The following GRIK2 variants were observed in gnomAD, a reference collection of about 807,000 sequenced individuals.
The protein encoded by GRIK2 is glutamate ionotropic receptor kainate type subunit 2.
GRIK2 carries 32 observed loss-of-function variants against 100.3 expected under a neutral mutation model. That is an observed-to-expected ratio of 0.32 (90% CI 0.24 to 0.43). The LOEUF (loss-of-function observed/expected upper bound fraction) is 0.43. Ranked by LOEUF, GRIK2 falls within the 20% of genes least tolerant of loss-of-function variation. The pLI, the probability that GRIK2 is intolerant of heterozygous loss-of-function variation, is 1.00. For synonymous variants in GRIK2, 417 were observed against 389.4 expected (o/e 1.07, Z -0.83); for missense variants, 843 against 1,114.9 (o/e 0.76, Z 3.47).
chr6:101,476,929 A>G (rs181700864), intron 2 of GRIK2, among the ~76,000 whole-genome samples: 3 of 152,178 alleles, frequency 2.0e-5, no homozygotes, highest in Non-Finnish European at 2.9e-5. Context: ...AAAAGAACCT[A>G]TACTATTAAA....
intron 16 of GRIK2, among the ~76,000 whole-genome samples, chr6:102,065,520 T>C (rs531685244): frequency 1.8e-3 from 270 of 151,468 alleles, no homozygotes; most frequent in South Asian, 0.013. Context: ...AGAAAGTTAG[T>C]TACTTAGCCT....
intron 2 of GRIK2, among the ~76,000 whole-genome samples, chr6:101,503,042 C>G (rs1332326049): frequency 6.6e-6 from 1 of 152,000 alleles, no homozygotes; most frequent in African/African-American, 2.4e-5. Flanking sequence ...TGATGAGAAG[C>G]AAGGAGTTAA....
At chr6:101,849,813 G>GT (rs36010543) in intron 10 of GRIK2, among the ~76,000 whole-genome samples, 2,833 of 53,844 alleles carry the variant, frequency 0.053, 663 homozygotes, top group African/African-American at 0.076. Context: ...AAAAAGGAGG[G>GT]TTTTTTTTTT....
intron 14 of GRIK2, among the ~76,000 whole-genome samples, chr6:101,952,768 A>G (rs1164169909): frequency 6.6e-6 from 1 of 152,064 alleles, no homozygotes; most frequent in East Asian, 1.9e-4. Flanking sequence ...ACACCCAGCT[A>G]ATTTTTTGTA....
In GRIK2 at chr6:101,778,471, AAAC is replaced by A. The variant is rs879715305; in HGVS notation, c.952-21171_952-21169del. 2.0e-4 allele frequency among the ~76,000 whole-genome samples: 30 copies of A among 152,332 alleles called. 1 individual carries two copies. The highest frequency in any genetic ancestry group is 1.4e-3 in the Admixed American group (22 of 15,304). On this transcript the variant is annotated intron_variant, in intron 7 of 16. Coordinates refer to ENST00000369134, the MANE Select transcript of GRIK2 (RefSeq NM_021956.5). ...TGTAGCCCAGGCCACGAGTGCTAAT[AAAC>A]AACAAGTCTTGAGCAAAGAGTGAAA...
intron 10 of GRIK2, among the ~76,000 whole-genome samples, chr6:101,831,001 A>C (rs1782642830): frequency 6.6e-6 from 1 of 152,104 alleles, no homozygotes; most frequent in African/African-American, 2.4e-5. Flanking sequence ...AAAGGCTTGA[A>C]AACATCCTAT....
chr6:101,951,493 T>C (rs767930366), intron 14 of GRIK2, among the ~76,000 whole-genome samples: 1 of 152,198 alleles, frequency 6.6e-6, no homozygotes, highest in Non-Finnish European at 1.5e-5. Context: ...ATTTTTGCTT[T>C]AGGTGTAGGT....
intron 11 of GRIK2, among the ~76,000 whole-genome samples, chr6:101,877,167 T>G (rs1234765863): frequency 6.6e-6 from 1 of 151,866 alleles, no homozygotes; most frequent in African/African-American, 2.4e-5. Flanking sequence ...ATGTTTATGT[T>G]TATGTTTTTA....
chr6:101,887,206 AATG>A (rs1386831267), intron 11 of GRIK2, among the ~76,000 whole-genome samples: 1 of 152,128 alleles, frequency 6.6e-6, no homozygotes, highest in Non-Finnish European at 1.5e-5. Flanking sequence ...TCACCATAAA[AATG>A]ATAACTATGT....
chr6:101,451,698 G>T lies in GRIK2; in HGVS notation c.115+52306G>T, dbSNP rs750739517. Among the ~76,000 whole-genome samples, 13 of 59,178 alleles carry T rather than the reference G, an allele frequency of 2.2e-4. 2 individuals carry two copies. Among genetic ancestry groups the T allele is most frequent in the African/African-American group, 6.2e-4 (11 of 17,834 alleles). 38.8% of individuals were successfully genotyped at this position (59,178 alleles called of 152,430 possible). On this transcript the variant is annotated intron_variant, in intron 2 of 16. Coordinates refer to ENST00000369134, the MANE Select transcript of GRIK2 (RefSeq NM_021956.5). ...GAGAGCCCATTATTTATCTCTGAGG[G>T]GGGGGGGGGTGCCAAATACCTCCCA...
At chr6:101,808,521 A>G (rs1397616248) in intron 9 of GRIK2, among the ~76,000 whole-genome samples, 1 of 151,964 alleles carries the variant, frequency 6.6e-6, no homozygotes, top group East Asian at 1.9e-4. Context: ...AATAATTTTT[A>G]TTGTACTACA....
In GRIK2 at chr6:101,603,967, T is replaced by G. The variant is rs548340299; in HGVS notation, c.116-17982T>G. On this transcript the variant is annotated intron_variant, in intron 2 of 16. Coordinates refer to ENST00000369134, the MANE Select transcript of GRIK2 (RefSeq NM_021956.5). ...TTCTATTCAGAGTAGATTTTAGTGG[T>G]GAGGGGGTACTGTGCCCATATAACA... 2.6e-4 allele frequency among the ~76,000 whole-genome samples: 40 copies of G among 151,690 alleles called. No individual in the cohort carries two copies. In the South Asian group the frequency reaches 8.1e-3, roughly 31 times the overall value.
chr6:101,431,124 G>C (rs1769362560), intron 2 of GRIK2: 1 of 250,500 alleles, frequency 4.0e-6, no homozygotes, highest in African/African-American at 2.3e-5. Context: ...GTTGGCCTTG[G>C]GGTTCAGAGG....
intron 7 of GRIK2, among the ~76,000 whole-genome samples, chr6:101,702,672 A>T (rs530023049): frequency 6.6e-6 from 1 of 152,082 alleles, no homozygotes; most frequent in South Asian, 2.1e-4. Context: ...ATAAACAATG[A>T]AAGAAAACAA....
chr6:101,884,744 ATTCTC>A (rs552586198), intron 11 of GRIK2, among the ~76,000 whole-genome samples: 105 of 152,274 alleles, frequency 6.9e-4, no homozygotes, highest in South Asian at 3.1e-3. Flanking sequence ...TCAATTAAAA[ATTCTC>A]TGAGTGGTTT....
At chr6:101,864,782 C>A (rs946446183) in intron 11 of GRIK2, among the ~76,000 whole-genome samples, 3 of 152,092 alleles carry the variant, frequency 2.0e-5, no homozygotes, top group South Asian at 2.1e-4. Flanking sequence ...ATATTTAAAA[C>A]AAATAATTGA....
chr6:102,037,838 T>G (rs188805151), intron 15 of GRIK2, among the ~76,000 whole-genome samples: 2 of 151,464 alleles, frequency 1.3e-5, no homozygotes, highest in East Asian at 2.0e-4. Flanking sequence ...AAATGCATAC[T>G]GAACCCAGAA....
chr6:101,839,249 C>CA lies in GRIK2; in HGVS notation c.1318-20037dup, dbSNP rs1783349533. ...GGTTGGGTGCCAGTAGAGGCAATGC[C>CA]AGTGCTTACTTTTCACCAATCCTTG... On this transcript the variant is annotated intron_variant, in intron 10 of 16. Coordinates refer to ENST00000369134, the MANE Select transcript of GRIK2 (RefSeq NM_021956.5). Among the ~76,000 whole-genome samples, 3 of 152,260 alleles carry CA rather than the reference C, an allele frequency of 2.0e-5. No individual in the cohort carries two copies. The South Asian group carries it at 6.2e-4, about 32-fold the overall frequency.
intron 2 of GRIK2, among the ~76,000 whole-genome samples, chr6:101,521,652 A>C (rs1399562811): frequency 1.3e-5 from 2 of 151,872 alleles, no homozygotes; most frequent in Admixed American, 1.3e-4. Flanking sequence ...AATAAAGTAA[A>C]ATAAGATACT....
Sources: allele counts gnomAD v4.1 joint callset (sites outside exome capture counted in the v4.1 genomes callset), GRCh38; gene constraint gnomAD v4.1.1; transcripts MANE v1.5; gene names NCBI Gene and HGNC (gene_info 2026-07-23, HGNC 2026-07-21).